USP6NL: variants seen among roughly 807,000 people sequenced by gnomAD.
The protein encoded by USP6NL is USP6 N-terminal like.
Under a neutral mutation model 61.9 loss-of-function variants are expected in USP6NL, and 26 were observed. The ratio of observed to expected loss-of-function variants is 0.42; its 90% confidence interval spans 0.31 to 0.58. The LOEUF is 0.58. Ranked by LOEUF, USP6NL falls within the 20% of genes least tolerant of loss-of-function variation. The probability of loss-of-function intolerance (pLI) is 0.16; values close to 1 mark genes in which losing one functional copy is unlikely to be tolerated. For synonymous variants in USP6NL, 432 were observed against 390.1 expected (o/e 1.11, Z -1.27); for missense variants, 1,114 against 1,034.3 (o/e 1.08, Z -1.06).
At chr10:11,515,189 T>C (rs1240464736) in intron 5 of USP6NL, among the ~76,000 whole-genome samples, 5 of 152,230 alleles carry the variant, frequency 3.3e-5, no homozygotes, top group African/African-American at 1.2e-4. Flanking sequence ...TCAATAATCA[T>C]TTGTTGAATC....
At chr10:11,579,939 T>C (rs1837685054) in intron 2 of USP6NL, among the ~76,000 whole-genome samples, 1 of 140,532 alleles carries the variant, frequency 7.1e-6, no homozygotes, top group African/African-American at 2.6e-5. Flanking sequence ...AGTTTGCAGA[T>C]TACAAACCAC....
At chr10:11,497,132 G>A (rs1465060270) in intron 7 of USP6NL, among the ~76,000 whole-genome samples, 72 of 148,674 alleles carry the variant, frequency 4.8e-4, no homozygotes, top group African/African-American at 1.7e-3. Flanking sequence ...GGGCAAGGCC[G>A]GGCACAGTGG....
In USP6NL at chr10:11,587,603, T is replaced by C. The variant is rs1012297819; in HGVS notation, c.4+10028A>G. Among the ~76,000 whole-genome samples, 2 of 152,208 alleles carry C rather than the reference T, an allele frequency of 1.3e-5. No individual in the cohort carries two copies. Among genetic ancestry groups the C allele is most frequent in the Non-Finnish European group, 2.9e-5 (2 of 68,024 alleles). The stretch of plus-strand genomic sequence containing the variant: ...CCAGGTTATGAGAACAGCTAATCTT[T>C]AGTGAAGCAATCTCAATTTATGTAC... On this transcript the variant is annotated intron_variant, in intron 2 of 14. Coordinates refer to ENST00000609104, the MANE Select transcript of USP6NL (RefSeq NM_014688.5). This position sits in a 1 kb window ranked among gnomAD's most constrained non-coding sequence, Gnocchi z 4.5.
At position 11,486,780 on chromosome 10, in the gene USP6NL, C is replaced by T. The variant is rs534788793; in HGVS notation, c.665-869G>A. Among the ~76,000 whole-genome samples, 12 of 152,288 alleles carry T rather than the reference C, an allele frequency of 7.9e-5. No homozygotes were observed. The South Asian group carries it at 2.3e-3, about 29-fold the overall frequency. On this transcript the variant is annotated intron_variant, in intron 10 of 14. Transcript: ENST00000609104. ...CTTATTAATGTTCTTGCCTTTTAGACTTAATGAAACTTGTTTTTCTTTCAC... is the reference window on the plus strand; with the variant it reads ...CTTATTAATGTTCTTGCCTTTTAGATTTAATGAAACTTGTTTTTCTTTCAC...
chr10:11,573,141 T>C (rs1837421571), intron 2 of USP6NL, among the ~76,000 whole-genome samples: 1 of 152,190 alleles, frequency 6.6e-6, no homozygotes. Context: ...AATTCATATT[T>C]ATAACTATTA....
In USP6NL at chr10:11,534,074, AAC is replaced by A. The variant is rs536789131; in HGVS notation, c.5-6509_5-6508del. Among the ~76,000 whole-genome samples, 11 of 151,808 alleles carry A rather than the reference AAC, an allele frequency of 7.2e-5. No individual in the cohort carries two copies. The South Asian group carries it at 1.9e-3, about 26-fold the overall frequency. ...GAAATCTGATCATCCTACATATCTGAACAGATTCCTCATCCCCCACCCTTGAT... is the reference window on the plus strand; with the variant it reads ...GAAATCTGATCATCCTACATATCTGAAGATTCCTCATCCCCCACCCTTGAT... On this transcript the variant is annotated intron_variant, in intron 2 of 14. Coordinates refer to ENST00000609104, the MANE Select transcript of USP6NL (RefSeq NM_014688.5).
At position 11,511,828 on chromosome 10, in the gene USP6NL, T is replaced by A; in HGVS notation, c.196-2153A>T. Among the ~76,000 whole-genome samples, 1 of 149,904 alleles carries A rather than the reference T, an allele frequency of 6.7e-6. No homozygotes were observed. Among genetic ancestry groups the A allele is most frequent in the Non-Finnish European group, 1.5e-5 (1 of 67,398 alleles). Reference sequence around the variant, plus strand: ...AAATAAAATAAAATAATATATATTATACACACACACACACACACACACCCC... The same window carrying A: ...AAATAAAATAAAATAATATATATTAAACACACACACACACACACACACCCC... On this transcript the variant is annotated intron_variant, in intron 5 of 14. Transcript: ENST00000609104. This position sits in a 1 kb window ranked among gnomAD's most constrained non-coding sequence, Gnocchi z 4.9.
rs796850978 is a variant in USP6NL at position 11,462,274 on chromosome 10, A to G, written c.*167T>C. ...TGCAATTGAAACGCTCATCTTAAGCAGCATCTACGTGGGGCTGAAGACATT... is the reference window on the plus strand; with the variant it reads ...TGCAATTGAAACGCTCATCTTAAGCGGCATCTACGTGGGGCTGAAGACATT... On this transcript the variant is annotated 3_prime_UTR_variant, in exon 15 of 15. Transcript: ENST00000609104. 44 of 792,124 alleles carry G rather than the reference A, an allele frequency of 5.6e-5. No individual in the cohort carries two copies. In the African/African-American group the frequency reaches 5.9e-4, roughly 11 times the overall value. 49.1% of individuals were successfully genotyped at this position (792,124 alleles called of 1,614,324 possible).
chr10:11,604,566 T>C (rs1441724935), intron 1 of USP6NL, among the ~76,000 whole-genome samples: 1 of 152,150 alleles, frequency 6.6e-6, no homozygotes, highest in East Asian at 1.9e-4. Flanking sequence ...TAATTTTTTG[T>C]GATAGAATAA....
intron 2 of USP6NL, among the ~76,000 whole-genome samples, chr10:11,588,118 T>C (rs1306128644): frequency 1.3e-5 from 2 of 152,208 alleles, no homozygotes; most frequent in Non-Finnish European, 2.9e-5. Context: ...GAATAGTCTA[T>C]AAAACAGCTG....
At chr10:11,571,084 ATTCT>A (rs879615788) in intron 2 of USP6NL, among the ~76,000 whole-genome samples, 92 of 132,590 alleles carry the variant, frequency 6.9e-4, no homozygotes, top group Non-Finnish European at 1.1e-3. Flanking sequence ...CCCCAAAATA[ATTCT>A]TTTTTTTTTT....
Position 11,511,775 on chromosome 10 carries a change from C to A in USP6NL, c.196-2100G>T, listed in dbSNP as rs1011999303. ...TACACATACAAAAAAAATTAAGGAT[C>A]ATTAAGTATGCTTTTCCCTACAGCA... On this transcript the variant is annotated intron_variant, in intron 5 of 14. Transcript: ENST00000609104. The surrounding 1 kb of genome is among the most constrained non-coding windows in gnomAD (Gnocchi z 4.9). Among the ~76,000 whole-genome samples the A allele has an allele frequency of 6.6e-6, 1 of 151,818 alleles. No homozygotes were observed. The highest frequency in any genetic ancestry group is 2.4e-5 in the African/African-American group (1 of 41,448).
chr10:11,535,770 T>C (rs572851382), intron 2 of USP6NL, among the ~76,000 whole-genome samples: 15 of 152,354 alleles, frequency 9.8e-5, no homozygotes, highest in African/African-American at 3.4e-4. Context: ...GTGACCACTT[T>C]CTCACTGAAC....
intron 6 of USP6NL, among the ~76,000 whole-genome samples, chr10:11,504,428 G>A (rs923745287): frequency 5.9e-5 from 9 of 152,226 alleles, no homozygotes; most frequent in African/African-American, 1.7e-4. Flanking sequence ...TAGGTTCAGC[G>A]GGTGGTTTCC....
In USP6NL at chr10:11,481,820, T is replaced by G; in HGVS notation, c.1028A>C (p.Gln343Pro). Residue 343 changes from glutamine to proline, a missense_variant, in exon 14 of 15, where the codon CAG becomes CCG. Gln to Pro is a moderately conservative substitution (Grantham distance 76, BLOSUM62 -1). Coordinates refer to ENST00000609104, the MANE Select transcript of USP6NL (RefSeq NM_014688.5). This position sits in a 1 kb window ranked among gnomAD's most constrained non-coding sequence, Gnocchi z 4.4. ...FEDDFVIEQLQISMTELKRAK... is the reference protein window; with the variant it reads ...FEDDFVIEQLPISMTELKRAK... ...CCGCTTTAGTTCTGTCATAGAAATCTGAAGTTGCTCTATCACAAAATCATC... is the reference window on the plus strand; with the variant it reads ...CCGCTTTAGTTCTGTCATAGAAATCGGAAGTTGCTCTATCACAAAATCATC... The G allele has an allele frequency of 6.2e-7, 1 of 1,613,372 alleles. No individual in the cohort carries two copies. Among genetic ancestry groups the G allele is most frequent in the Non-Finnish European group, 8.5e-7 (1 of 1,179,618 alleles).
chr10:11,498,877 CT>C (rs796563399), intron 7 of USP6NL, among the ~76,000 whole-genome samples: 32 of 152,216 alleles, frequency 2.1e-4, no homozygotes, highest in African/African-American at 7.2e-4. Flanking sequence ...TCAACTCCTA[CT>C]TTTAGAGTAT....
At position 11,561,779 on chromosome 10, in the gene USP6NL, A is replaced by G. The variant is rs769862186; in HGVS notation, c.5-34212T>C. 4.6e-5 allele frequency among the ~76,000 whole-genome samples: 7 copies of G among 152,200 alleles called. No homozygotes were observed. Among genetic ancestry groups the G allele is most frequent in the Non-Finnish European group, 1.0e-4 (7 of 68,026 alleles). On this transcript the variant is annotated intron_variant, in intron 2 of 14. Coordinates refer to ENST00000609104, the MANE Select transcript of USP6NL (RefSeq NM_014688.5). This position sits in a 1 kb window ranked among gnomAD's most constrained non-coding sequence, Gnocchi z 4.1. The stretch of plus-strand genomic sequence containing the variant: ...GTAGGCCAGATGAAACACAACTTTT[A>G]ATTTTGATAAAGAATACCAATTTGT...
Position 11,550,011 on chromosome 10 carries a change from A to C in USP6NL, c.5-22444T>G, listed in dbSNP as rs534182306. 3.3e-5 allele frequency among the ~76,000 whole-genome samples: 5 copies of C among 152,374 alleles called. No individual in the cohort carries two copies. In the South Asian group the frequency reaches 1.0e-3, roughly 32 times the overall value. On this transcript the variant is annotated intron_variant, in intron 2 of 14. Coordinates refer to ENST00000609104, the MANE Select transcript of USP6NL (RefSeq NM_014688.5). The stretch of plus-strand genomic sequence containing the variant: ...AAGATTTCATAGGCTCAAAGTTGCC[A>C]ACATAATTGAAGTGGGGAGAGACAG...
At chr10:11,549,045 G>C (rs1444832551) in intron 2 of USP6NL, among the ~76,000 whole-genome samples, 1 of 152,054 alleles carries the variant, frequency 6.6e-6, no homozygotes, top group African/African-American at 2.4e-5. Context: ...CTTCTCTTCG[G>C]AGTCTAGTCT....
Sources: allele counts gnomAD v4.1 joint callset (sites outside exome capture counted in the v4.1 genomes callset), GRCh38; gene constraint gnomAD v4.1.1; non-coding constraint Gnocchi (gnomAD v3.1); transcripts MANE v1.5; gene names NCBI Gene and HGNC (gene_info 2026-07-23, HGNC 2026-07-21).